Variants in ST3GAL4 observed in about 807,000 individuals in gnomAD.
ST3GAL4 encodes the protein CMP-N-acetylneuraminate-beta-galactosamide-alpha-2,3-sialyltransferase 4.
Under a neutral mutation model 42.6 loss-of-function variants are expected in ST3GAL4, and 24 were observed. The observed-to-expected ratio is 0.56, with a 90% CI of 0.41 to 0.79. ST3GAL4 has a LOEUF of 0.79. ST3GAL4 is among the 30% of genes least tolerant of loss of function. The probability of loss-of-function intolerance (pLI) is 0.00; values close to 1 mark genes in which losing one functional copy is unlikely to be tolerated. For missense variants in ST3GAL4, 311 were observed against 430.8 expected (o/e 0.72, Z 2.46); for synonymous variants, 135 against 163.2 (o/e 0.83, Z 1.32).
Position 126,408,708 on chromosome 11 carries a change from C to T in ST3GAL4, c.627+212C>T, listed in dbSNP as rs571049384. 4.0e-4 allele frequency: 238 copies of T among 597,500 alleles called. 1 individual carries two copies. Among genetic ancestry groups the T allele is most frequent in the East Asian group, 9.2e-4 (33 of 35,776 alleles). 37.0% of individuals were successfully genotyped at this position (597,500 alleles called of 1,614,324 possible). The stretch of plus-strand genomic sequence containing the variant: ...GCAACTGGGTATAAAAGCCTGCAGG[C>T]GTCAGGTGGCAGCAGCCACAGGCAC... On this transcript the variant is annotated intron_variant, in intron 8 of 10. Transcript: ENST00000444328.
intron 1 of ST3GAL4, among the ~76,000 whole-genome samples, chr11:126,368,477 G>A (rs1952519004): frequency 6.6e-6 from 1 of 152,228 alleles, no homozygotes; most frequent in South Asian, 2.1e-4. Flanking sequence ...CCCAGCCTGC[G>A]CTGGGACAGG....
chr11:126,407,546 C>T (rs765300618), intron 5 of ST3GAL4, 28 bp from the exon 6 acceptor site: 1 of 1,613,874 alleles, frequency 6.2e-7, no homozygotes. Context: ...TCTGTCACAT[C>T]AGTCCCTCCG....
Position 126,378,339 on chromosome 11 carries a change from T to C in ST3GAL4, c.-61+22497T>C, listed in dbSNP as rs1414577803. On this transcript the variant is annotated intron_variant, in intron 1 of 10. Coordinates refer to ENST00000444328, the MANE Select transcript of ST3GAL4 (RefSeq NM_001254757.2). The surrounding 1 kb of genome is among the most constrained non-coding windows in gnomAD (Gnocchi z 5.3). ...CCACGTTGAATGGTTATGGTTTCAA[T>C]TGGAGTAGGAACAAAAAACATTTCT... is the stretch of plus-strand genomic sequence containing the variant. 1.3e-5 allele frequency among the ~76,000 whole-genome samples: 2 copies of C among 152,202 alleles called. No homozygotes were observed. Among genetic ancestry groups the C allele is most frequent in the Non-Finnish European group, 2.9e-5 (2 of 68,030 alleles).
chr11:126,377,314 G>T (rs1211154586), intron 1 of ST3GAL4, among the ~76,000 whole-genome samples: 1 of 151,802 alleles, frequency 6.6e-6, no homozygotes. Context: ...GGGACTACAG[G>T]TGTGTACCAC....
chr11:126,361,347 G>A (rs186856731), intron 1 of ST3GAL4, among the ~76,000 whole-genome samples: 1 of 147,788 alleles, frequency 6.8e-6, no homozygotes, highest in East Asian at 2.0e-4. Context: ...AACTGTGACA[G>A]AGGGTTTCTT....
chr11:126,374,264 C>A (rs1383911893), intron 1 of ST3GAL4, among the ~76,000 whole-genome samples: 2 of 151,760 alleles, frequency 1.3e-5, no homozygotes, highest in Non-Finnish European at 2.9e-5. Context: ...CCAGCCTGGA[C>A]AACATGGGGA....
chr11:126,398,623 G>C lies in ST3GAL4; in HGVS notation c.-60-7473G>C, dbSNP rs1418785620. Among the ~76,000 whole-genome samples, 1 of 152,242 alleles carries C rather than the reference G, an allele frequency of 6.6e-6. No homozygotes were observed. The highest frequency in any genetic ancestry group is 2.4e-5 in the African/African-American group (1 of 41,458). ...AGCTCAGACTCCACAGTTCTGCTGG[G>C]CATTGCCCTACAGGGGCTCCCTGGT... On this transcript the variant is annotated intron_variant, in intron 1 of 10. Transcript: ENST00000444328. The surrounding 1 kb of genome is among the most constrained non-coding windows in gnomAD (Gnocchi z 4.7).
chr11:126,413,364 T>G, intron 9 of ST3GAL4, 141 bp from the exon 10 acceptor site: 6 of 1,023,662 alleles, frequency 5.9e-6, no homozygotes, highest in Non-Finnish European at 8.3e-6. Flanking sequence ...TGCGTGCTCG[T>G]TAGCTCGTGG....
rs534287403 is a variant in ST3GAL4, at chr11:126,411,790, G to A, written c.772-1715G>A. ...GTACAGCCTCCATCTTCAAGCCAGCGACGGCACAATAGATCCTTTCTGTGC... is the reference window on the plus strand; with the variant it reads ...GTACAGCCTCCATCTTCAAGCCAGCAACGGCACAATAGATCCTTTCTGTGC... On this transcript the variant is annotated intron_variant, in intron 9 of 10. Transcript: ENST00000444328. This position sits in a 1 kb window ranked among gnomAD's most constrained non-coding sequence, Gnocchi z 6.3. 2.0e-3 allele frequency among the ~76,000 whole-genome samples: 308 copies of A among 152,076 alleles called. No individual in the cohort carries two copies. The highest frequency in any genetic ancestry group is 3.7e-3 in the Admixed American group (56 of 15,258).
In ST3GAL4 at chr11:126,406,724, G is replaced by T; in HGVS notation, c.101+167G>T. 1.0e-6 allele frequency: 1 copy of T among 1,004,978 alleles called. No individual in the cohort carries two copies. Among genetic ancestry groups the T allele is most frequent in the Non-Finnish European group, 1.5e-6 (1 of 686,978 alleles). The allele number at this position is 1,004,978 out of a possible 1,614,324, so 62.3% of individuals were successfully genotyped here. ...GAGTGTTTCCATGAGGGTGGGTGGG[G>T]GTAGGGCCTGGGATGTCTCACTGGG... On this transcript the variant is annotated intron_variant, in intron 3 of 10. Transcript: ENST00000444328. The surrounding 1 kb of genome is among the most constrained non-coding windows in gnomAD (Gnocchi z 5.4).
At chr11:126,403,372 G>GT (rs1433883481) in intron 1 of ST3GAL4, 6 of 982,074 alleles carry the variant, frequency 6.1e-6, no homozygotes, top group Non-Finnish European at 7.3e-6. Flanking sequence ...GACGCCAAAG[G>GT]TTTTTCCCTG....
In ST3GAL4 at chr11:126,392,667, A is replaced by C. The variant is rs574759509; in HGVS notation, c.-60-13429A>C. The stretch of plus-strand genomic sequence containing the variant: ...GTTATCTACCATGTGTCAGGCATTA[A>C]ATTTAGTGCTGGAGATACTATGGGA... On this transcript the variant is annotated intron_variant, in intron 1 of 10. Coordinates refer to ENST00000444328, the MANE Select transcript of ST3GAL4 (RefSeq NM_001254757.2). The surrounding 1 kb of genome is among the most constrained non-coding windows in gnomAD (Gnocchi z 5.8). 3.9e-5 allele frequency among the ~76,000 whole-genome samples: 6 copies of C among 152,180 alleles called. No individual in the cohort carries two copies. The highest frequency in any genetic ancestry group is 8.8e-5 in the Non-Finnish European group (6 of 68,040).
At chr11:126,413,898 C>T in intron 10 of ST3GAL4, 63 bp from the exon 11 acceptor site, 6 of 1,590,998 alleles carry the variant, frequency 3.8e-6, no homozygotes, top group Non-Finnish European at 5.2e-6. Context: ...GGCAGGGAGA[C>T]TTTCCTGGGG....
At position 126,392,695 on chromosome 11, in the gene ST3GAL4, T is replaced by C. The variant is rs1013401665; in HGVS notation, c.-60-13401T>C. 6.6e-6 allele frequency among the ~76,000 whole-genome samples: 1 copy of C among 152,240 alleles called. No individual in the cohort carries two copies. The highest frequency in any genetic ancestry group is 1.5e-5 in the Non-Finnish European group (1 of 68,044). ...TTAGTGCTGGAGATACTATGGGACA[T>C]AAGAAGTCCCTGCTTGCTGGGAGTG... On this transcript the variant is annotated intron_variant, in intron 1 of 10. Transcript: ENST00000444328. The surrounding 1 kb of genome is among the most constrained non-coding windows in gnomAD (Gnocchi z 5.8).
In ST3GAL4 at chr11:126,396,802, A is replaced by T. The variant is rs1342345476; in HGVS notation, c.-60-9294A>T. ...ACGAGCTGTACAACCTGGGCCGGTT[A>T]CTGACCCCTTTCCCACCTTAGTTCC... On this transcript the variant is annotated intron_variant, in intron 1 of 10. Transcript: ENST00000444328. This position sits in a 1 kb window ranked among gnomAD's most constrained non-coding sequence, Gnocchi z 5.8. 1.3e-5 allele frequency among the ~76,000 whole-genome samples: 2 copies of T among 151,518 alleles called. No homozygotes were observed. The highest frequency in any genetic ancestry group is 1.3e-4 in the Admixed American group (2 of 15,198).
At chr11:126,358,069 G>A (rs1006045628) in intron 1 of ST3GAL4, among the ~76,000 whole-genome samples, 1 of 152,272 alleles carries the variant, frequency 6.6e-6, no homozygotes, top group Non-Finnish European at 1.5e-5. Context: ...TTGCCATCAA[G>A]GCAGCCGCTA....
intron 1 of ST3GAL4, among the ~76,000 whole-genome samples, chr11:126,388,160 T>C (rs1953301167): frequency 6.6e-6 from 1 of 152,236 alleles, no homozygotes; most frequent in South Asian, 2.1e-4. Flanking sequence ...TTCTTCCTAG[T>C]ACATCTATGA....
At position 126,379,845 on chromosome 11, in the gene ST3GAL4, T is replaced by C. The variant is rs774776035; in HGVS notation, c.-61+24003T>C. The stretch of plus-strand genomic sequence containing the variant: ...AAACTCTAAGAGAGCTCTCATTAGC[T>C]GTGAAACATGTACCCAAGGTTCAAG... On this transcript the variant is annotated intron_variant, in intron 1 of 10. Coordinates refer to ENST00000444328, the MANE Select transcript of ST3GAL4 (RefSeq NM_001254757.2). This position sits in a 1 kb window ranked among gnomAD's most constrained non-coding sequence, Gnocchi z 4.2. Among the ~76,000 whole-genome samples the C allele has an allele frequency of 4.6e-5, 7 of 152,176 alleles. No homozygotes were observed. The highest frequency in any genetic ancestry group is 1.0e-4 in the Non-Finnish European group (7 of 68,030).
Position 126,384,227 on chromosome 11 carries a change from G to A in ST3GAL4, c.-60-21869G>A, listed in dbSNP as rs1278711729. ...CGTCTCAGTGCCCAGCAGTTGTTCTGGTGATGGGAGGTGGGAGTACAAGGT... is the reference window on the plus strand; with the variant it reads ...CGTCTCAGTGCCCAGCAGTTGTTCTAGTGATGGGAGGTGGGAGTACAAGGT... On this transcript the variant is annotated intron_variant, in intron 1 of 10. Coordinates refer to ENST00000444328, the MANE Select transcript of ST3GAL4 (RefSeq NM_001254757.2). This position sits in a 1 kb window ranked among gnomAD's most constrained non-coding sequence, Gnocchi z 5.5. 6.6e-6 allele frequency among the ~76,000 whole-genome samples: 1 copy of A among 152,176 alleles called. No homozygotes were observed. The highest frequency in any genetic ancestry group is 2.4e-5 in the African/African-American group (1 of 41,430).
Sources: allele counts gnomAD v4.1 joint callset (sites outside exome capture counted in the v4.1 genomes callset), GRCh38; gene constraint gnomAD v4.1.1; non-coding constraint Gnocchi (gnomAD v3.1); transcripts MANE v1.5; gene names NCBI Gene and HGNC (gene_info 2026-07-23, HGNC 2026-07-21).